The following ZBTB20 variants were observed in gnomAD, a reference collection of about 807,000 sequenced individuals.
ZBTB20 encodes zinc finger and BTB domain-containing protein 20.
Under a neutral mutation model 56.9 loss-of-function variants are expected in ZBTB20, and 9 were observed. The observed-to-expected ratio is 0.16, with a 90% CI of 0.10 to 0.28. ZBTB20 has a LOEUF of 0.28. Ranked by LOEUF, ZBTB20 falls within the 10% of genes least tolerant of loss-of-function variation. ZBTB20 has a pLI of 1.00. For missense variants in ZBTB20, 655 were observed against 1,003.0 expected (o/e 0.65, Z 4.69); for synonymous variants, 417 against 420.7 (o/e 0.99, Z 0.11).
At chr3:115,039,588 C>G (rs2081061595) in intron 2 of ZBTB20, among the ~76,000 whole-genome samples, 1 of 151,928 alleles carries the variant, frequency 6.6e-6, no homozygotes, top group Admixed American at 6.6e-5. Context: ...TCTCAAAGCT[C>G]AGAATTAAAA....
chr3:114,588,433 A>T (rs906604039), intron 6 of ZBTB20, among the ~76,000 whole-genome samples: 1 of 152,164 alleles, frequency 6.6e-6, no homozygotes, highest in Non-Finnish European at 1.5e-5. Context: ...CCTTTCCTTG[A>T]TGGGTGGCAA....
At chr3:114,979,513 T>C (rs1021694185) in intron 2 of ZBTB20, among the ~76,000 whole-genome samples, 1 of 152,058 alleles carries the variant, frequency 6.6e-6, no homozygotes, top group African/African-American at 2.4e-5. Context: ...GTTAATTGTT[T>C]CAATGGACAT....
intron 4 of ZBTB20, among the ~76,000 whole-genome samples, chr3:114,890,527 C>T (rs2076766653): frequency 6.6e-6 from 1 of 152,120 alleles, no homozygotes; most frequent in Admixed American, 6.5e-5. Flanking sequence ...CGCATGTTCT[C>T]ACTCATAGGT....
At chr3:114,800,952 T>A (rs1460318139) in intron 5 of ZBTB20, 149 bp downstream of exon 5, 1 of 152,118 alleles carries the variant, frequency 6.6e-6, no homozygotes. Context: ...AACAACTTTT[T>A]TTTTTTAAGA....
chr3:114,505,346 C>T (rs1262510623), intron 6 of ZBTB20, among the ~76,000 whole-genome samples: 1 of 152,120 alleles, frequency 6.6e-6, no homozygotes, highest in Non-Finnish European at 1.5e-5. Context: ...AATCATAACT[C>T]ACACCAAAAT....
At chr3:114,414,288 G>T (rs2088285514) in intron 7 of ZBTB20, among the ~76,000 whole-genome samples, 1 of 152,060 alleles carries the variant, frequency 6.6e-6, no homozygotes, top group Admixed American at 6.6e-5. Context: ...TGAATATGAT[G>T]AATTCCAACA....
At chr3:114,572,610 G>A (rs763848284) in intron 6 of ZBTB20, among the ~76,000 whole-genome samples, 1 of 152,166 alleles carries the variant, frequency 6.6e-6, no homozygotes, top group South Asian at 2.1e-4. Context: ...AGAAGGAAAA[G>A]AGGGTGAGGT....
intron 1 of ZBTB20, among the ~76,000 whole-genome samples, chr3:115,071,855 CTGAAAA>C (rs1439294314): frequency 1.3e-5 from 2 of 152,086 alleles, no homozygotes; most frequent in Non-Finnish European, 2.9e-5. Context: ...CATCCAAACT[CTGAAAA>C]TGAAACACAT....
chr3:114,803,306 TA>T (rs2071858742), intron 4 of ZBTB20, among the ~76,000 whole-genome samples: 1 of 151,736 alleles, frequency 6.6e-6, no homozygotes, highest in African/African-American at 2.4e-5. Flanking sequence ...CAACATCACT[TA>T]CAACTACCAA....
rs111373549 is a variant in ZBTB20, at chr3:114,574,825, T to C, written c.-294-74434A>G. ...CCTGGTTATTTATCTATCAGCTACA[T>C]TCAACTGCCTCATTCAGGGGAAAAT... On this transcript the variant is annotated intron_variant, in intron 6 of 11. Coordinates refer to ENST00000675478, the MANE Select transcript of ZBTB20 (RefSeq NM_001348800.3). Among the ~76,000 whole-genome samples, 1,186 of 152,332 alleles carry C rather than the reference T, an allele frequency of 7.8e-3. 9 individuals carry two copies. The highest frequency in any genetic ancestry group is 0.012 in the Non-Finnish European group (843 of 68,012).
chr3:114,936,649 T>C (rs1006797318), intron 3 of ZBTB20, among the ~76,000 whole-genome samples: 4 of 152,202 alleles, frequency 2.6e-5, no homozygotes, highest in South Asian at 2.1e-4. Context: ...GCAATCTCAC[T>C]AGTGATGAAG....
intron 4 of ZBTB20, among the ~76,000 whole-genome samples, chr3:114,815,664 T>C (rs1470283474): frequency 1.3e-5 from 2 of 152,212 alleles, no homozygotes; most frequent in African/African-American, 2.4e-5. Flanking sequence ...CTCATTGTTA[T>C]TGCTTATTAC....
At chr3:115,023,379 GTT>G (rs1234404713) in intron 2 of ZBTB20, among the ~76,000 whole-genome samples, 1 of 150,392 alleles carries the variant, frequency 6.6e-6, no homozygotes, top group East Asian at 1.9e-4. Context: ...CTCTTTTTTT[GTT>G]TTGTTTTTCA....
chr3:114,742,126 C>T (rs1211999313), intron 5 of ZBTB20, among the ~76,000 whole-genome samples: 2 of 151,986 alleles, frequency 1.3e-5, no homozygotes, highest in Admixed American at 6.6e-5. Context: ...TTCTTAAACC[C>T]ATAGGTCAAC....
rs1205435166 is a variant in ZBTB20 at position 114,753,432 on chromosome 3, T to TATATACACACAC, written c.-343+47668_-343+47669insGTGTGTGTATAT. On this transcript the variant is annotated intron_variant, in intron 5 of 11. Transcript: ENST00000675478. ...ACACACGTATATATATATATATATA[T>TATATACACACAC]ACACACACACTTTTTTTTTTGAGAC... is the stretch of plus-strand genomic sequence containing the variant. Among the ~76,000 whole-genome samples, 16 of 43,532 alleles carry TATATACACACAC rather than the reference T, an allele frequency of 3.7e-4. 3 individuals are homozygous for TATATACACACAC. Among genetic ancestry groups the TATATACACACAC allele is most frequent in the African/African-American group, 1.2e-3 (16 of 12,952 alleles). The allele number at this position is 43,532 out of a possible 152,430, so 28.6% of individuals were successfully genotyped here.
chr3:114,790,774 A>G (rs1422511965), intron 5 of ZBTB20, among the ~76,000 whole-genome samples: 1 of 151,454 alleles, frequency 6.6e-6, no homozygotes, highest in Non-Finnish European at 1.5e-5. Context: ...CATAACAGTA[A>G]GTTTTTTTTT....
intron 2 of ZBTB20, among the ~76,000 whole-genome samples, chr3:115,061,695 A>G (rs2108478706): frequency 6.6e-6 from 1 of 152,312 alleles, no homozygotes; most frequent in East Asian, 1.9e-4. Flanking sequence ...ATTTTACAAG[A>G]GTAAATTAGA....
At chr3:114,939,026 G>A (rs1436481155) in intron 3 of ZBTB20, among the ~76,000 whole-genome samples, 7 of 145,190 alleles carry the variant, frequency 4.8e-5, no homozygotes, top group Admixed American at 2.6e-4. Flanking sequence ...TCAGTCACTC[G>A]GTGGAAGCAG....
intron 4 of ZBTB20, among the ~76,000 whole-genome samples, chr3:114,891,585 A>G (rs1224933044): frequency 6.6e-6 from 1 of 152,176 alleles, no homozygotes; most frequent in Non-Finnish European, 1.5e-5. Flanking sequence ...TTTTAGAAAA[A>G]CTTTGTAACA....
Sources: gnomAD v4.1 joint callset for allele counts (sites outside exome capture counted in the v4.1 genomes callset) on GRCh38, gnomAD v4.1.1 for gene constraint, MANE v1.5 for transcripts, NCBI Gene and HGNC (gene_info 2026-07-23, HGNC 2026-07-21) for gene names.